Variants in AK5 observed in about 807,000 individuals in gnomAD.
AK5 encodes adenylate kinase 5.
AK5 carries 27 observed loss-of-function variants against 69.5 expected under a neutral mutation model. The ratio of observed to expected loss-of-function variants is 0.39; its 90% CI spans 0.29 to 0.54. AK5 has a LOEUF of 0.54. Among genes scored for constraint, AK5 ranks in the 20% least tolerant of loss-of-function variants. The pLI, the probability that AK5 is intolerant of heterozygous loss-of-function variation, is 0.71. For synonymous variants in AK5, 260 were observed against 244.4 expected (o/e 1.06, Z -0.60); for missense variants, 531 against 700.4 (o/e 0.76, Z 2.73).
intron 5 of AK5, among the ~76,000 whole-genome samples, chr1:77,328,477 CAG>C (rs1244771406): frequency 6.6e-6 from 1 of 150,962 alleles, no homozygotes; most frequent in Non-Finnish European, 1.5e-5. Flanking sequence ...TCCCAGGTGA[CAG>C]TGTGAGACTC....
At chr1:77,404,015 T>G (rs1649439304) in intron 6 of AK5, among the ~76,000 whole-genome samples, 1 of 152,184 alleles carries the variant, frequency 6.6e-6, no homozygotes, top group Admixed American at 6.6e-5. Context: ...GTCCTTCACA[T>G]CCCTCGTAAG....
chr1:77,284,032 T>C (rs1019554156), intron 1 of AK5, among the ~76,000 whole-genome samples: 20 of 152,218 alleles, frequency 1.3e-4, no homozygotes, highest in Non-Finnish European at 2.5e-4. Flanking sequence ...GCAGGCCTTT[T>C]TGTTAAGGTT....
intron 1 of AK5, chr1:77,282,871 G>C (rs1658139134): frequency 7.1e-6 from 7 of 986,684 alleles, no homozygotes; most frequent in Non-Finnish European, 8.4e-6. Flanking sequence ...GGAAGAGAGG[G>C]ATGAAGATGC....
intron 10 of AK5, among the ~76,000 whole-genome samples, chr1:77,495,078 G>A (rs1401064287): frequency 2.0e-5 from 3 of 152,016 alleles, no homozygotes; most frequent in Non-Finnish European, 4.4e-5. Context: ...CACCGCACCC[G>A]GCCCCCATAT....
Position 77,398,336 on chromosome 1 carries a change from G to A in AK5, c.892-12645G>A, listed in dbSNP as rs370285372. On this transcript the variant is annotated intron_variant, in intron 6 of 13. Coordinates refer to ENST00000354567, the MANE Select transcript of AK5 (RefSeq NM_174858.3). ...AGAGCTCTGTAGCAGGGAGACACTC[G>A]AGCATTAAAGAGAATGGAGCCTGTA... Among the ~76,000 whole-genome samples, 19 of 152,062 alleles carry A rather than the reference G, an allele frequency of 1.2e-4. No individual in the cohort carries two copies. In the East Asian group the frequency reaches 2.5e-3, roughly 20 times the overall value.
At chr1:77,467,603 T>C (rs1397329657) in intron 8 of AK5, among the ~76,000 whole-genome samples, 1 of 152,218 alleles carries the variant, frequency 6.6e-6, no homozygotes, top group Admixed American at 6.5e-5. Flanking sequence ...ATGTGTCAAA[T>C]CCATGGCATA....
chr1:77,286,720 A>C (rs1297979388), intron 1 of AK5, among the ~76,000 whole-genome samples: 2 of 152,016 alleles, frequency 1.3e-5, no homozygotes, highest in African/African-American at 4.8e-5. Context: ...AATGGTGTGC[A>C]CCTGTAATCC....
chr1:77,398,259 C>T (rs1338351285), intron 6 of AK5, among the ~76,000 whole-genome samples: 1 of 152,190 alleles, frequency 6.6e-6, no homozygotes, highest in Non-Finnish European at 1.5e-5. Context: ...AGTCACACAT[C>T]TGTTGCTCAG....
At chr1:77,286,570 C>T (rs774426567) in intron 1 of AK5, among the ~76,000 whole-genome samples, 1 of 151,674 alleles carries the variant, frequency 6.6e-6, no homozygotes, top group South Asian at 2.1e-4. Context: ...GGTGGGGTCA[C>T]GTGCAGTGGC....
At chr1:77,466,902 A>G (rs1392066230) in intron 8 of AK5, among the ~76,000 whole-genome samples, 1 of 152,192 alleles carries the variant, frequency 6.6e-6, no homozygotes, top group Non-Finnish European at 1.5e-5. Context: ...CAACCATAGC[A>G]CCCAGGGTAG....
At chr1:77,382,283 A>G (rs1490901206) in intron 6 of AK5, among the ~76,000 whole-genome samples, 3 of 150,600 alleles carry the variant, frequency 2.0e-5, no homozygotes, top group African/African-American at 7.3e-5. Flanking sequence ...AAAATGCAAA[A>G]CTGGAGCAAA....
intron 10 of AK5, among the ~76,000 whole-genome samples, chr1:77,517,462 T>C (rs907196200): frequency 1.9e-4 from 29 of 152,196 alleles, no homozygotes; most frequent in African/African-American, 6.0e-4. Flanking sequence ...AGGCAATGGA[T>C]TTAACTTCTC....
In AK5 at chr1:77,340,509, T is replaced by C. The variant is rs923194222; in HGVS notation, c.832T>C (p.Phe278Leu). The C allele has an allele frequency of 6.2e-7, 1 of 1,614,098 alleles. No homozygotes were observed. Among genetic ancestry groups the C allele is most frequent in the African/African-American group, 1.3e-5 (1 of 75,024 alleles). Residue 278 changes from phenylalanine to leucine, a missense_variant, in exon 6 of 14, where the codon TTC becomes CTC. By Grantham distance (22) the Phe-to-Leu change is conservative. Coordinates refer to ENST00000354567, the MANE Select transcript of AK5 (RefSeq NM_174858.3). Reference protein sequence around the residue: ...VKATQRRLMNFKQNAAPLVKY... With the variant: ...VKATQRRLMNLKQNAAPLVKY... ...AGCTACCCAAAGGAGACTAATGAACTTCAAGCAGAATGCTGCTCCATTGGT... is the reference window on the plus strand; with the variant it reads ...AGCTACCCAAAGGAGACTAATGAACCTCAAGCAGAATGCTGCTCCATTGGT...
At chr1:77,331,938 A>G (rs1661106486) in intron 5 of AK5, among the ~76,000 whole-genome samples, 1 of 151,890 alleles carries the variant, frequency 6.6e-6, no homozygotes, top group South Asian at 2.1e-4. Flanking sequence ...TTTTTCTAGA[A>G]ATCTGTTCTT....
Position 77,521,959 on chromosome 1 carries a change from G to A in AK5, c.1428+16G>A, listed in dbSNP as rs768023644. On this transcript the variant is annotated intron_variant, in intron 12 of 13. Coordinates refer to ENST00000354567, the MANE Select transcript of AK5 (RefSeq NM_174858.3). ...CGGACGCAGGGTGAGTGGTTGTTACGGGCATCCTTCCAGAAGAAAAATAGG... is the reference window on the plus strand; with the variant it reads ...CGGACGCAGGGTGAGTGGTTGTTACAGGCATCCTTCCAGAAGAAAAATAGG... 7.0e-6 allele frequency: 11 copies of A among 1,560,580 alleles called. No individual in the cohort carries two copies. The highest frequency in any genetic ancestry group is 4.6e-5 in the East Asian group (2 of 43,298).
chr1:77,392,823 CATT>C (rs1258946339), intron 6 of AK5, among the ~76,000 whole-genome samples: 1 of 151,848 alleles, frequency 6.6e-6, no homozygotes, highest in Non-Finnish European at 1.5e-5. Flanking sequence ...GTGTTAATGT[CATT>C]GTTGTAGTTT....
intron 5 of AK5, among the ~76,000 whole-genome samples, chr1:77,328,129 A>G (rs1660901037): frequency 6.6e-6 from 1 of 152,224 alleles, no homozygotes; most frequent in Admixed American, 6.5e-5. Context: ...AGCAGTGAGG[A>G]AAAGACATCT....
intron 7 of AK5, among the ~76,000 whole-genome samples, chr1:77,415,704 C>A (rs1040403622): frequency 8.5e-5 from 13 of 152,178 alleles, no homozygotes; most frequent in African/African-American, 3.1e-4. Context: ...AGCACATGGA[C>A]TTGACAGCAT....
chr1:77,492,248 T>G (rs561457169), intron 10 of AK5, among the ~76,000 whole-genome samples: 1 of 152,392 alleles, frequency 6.6e-6, no homozygotes, highest in African/African-American at 2.4e-5. Context: ...TCTTTTTTAC[T>G]GCTTCATCAA....
Sources: allele counts gnomAD v4.1 joint callset (sites outside exome capture counted in the v4.1 genomes callset), GRCh38; gene constraint gnomAD v4.1.1; transcripts MANE v1.5; gene names NCBI Gene and HGNC (gene_info 2026-07-23, HGNC 2026-07-21).